CCDC170: variants seen among roughly 807,000 people sequenced by gnomAD.
CCDC170 encodes the protein coiled-coil domain containing 170, also known as coiled-coil domain-containing protein 170.
Under a neutral mutation model 72.6 loss-of-function variants are expected in CCDC170, and 69 were observed. The ratio of observed to expected loss-of-function variants is 0.95; its 90% CI spans 0.78 to 1.16. CCDC170 has a LOEUF of 1.16. Among genes scored for constraint, CCDC170 ranks in the 50% most tolerant of loss-of-function variants. The probability of loss-of-function intolerance (pLI) is 0.00; values close to 1 mark genes in which losing one functional copy is unlikely to be tolerated. For synonymous variants in CCDC170, 300 were observed against 303.9 expected, an observed-to-expected ratio of 0.99 and a Z score of 0.13; for missense variants, 852 against 832.5, an observed-to-expected ratio of 1.02 and a Z score of -0.29.
chr6:151,560,817 T>G (rs745678328), intron 5 of CCDC170, among the ~76,000 whole-genome samples: 1 of 152,174 alleles, frequency 6.6e-6, no homozygotes, highest in Non-Finnish European at 1.5e-5. Context: ...TGATGGATAT[T>G]TCTCCATCCC....
intron 1 of CCDC170, among the ~76,000 whole-genome samples, chr6:151,530,132 A>G (rs1313940466): frequency 6.6e-6 from 1 of 152,108 alleles, no homozygotes; most frequent in African/African-American, 2.4e-5. Flanking sequence ...TTATATTAAC[A>G]TTCTTTTATT....
At chr6:151,509,188 C>T (rs926016781) in intron 1 of CCDC170, among the ~76,000 whole-genome samples, 5 of 151,532 alleles carry the variant, frequency 3.3e-5, no homozygotes, top group Non-Finnish European at 7.4e-5. Context: ...CTCTCTCCCC[C>T]CTTTCGCTCT....
Position 151,585,922 on chromosome 6 carries a change from C to G in CCDC170, c.1126C>G (p.Leu376Val). 1 of 1,613,840 alleles carries G rather than the reference C, an allele frequency of 6.2e-7. No homozygotes were observed. The highest frequency in any genetic ancestry group is 1.1e-5 in the South Asian group (1 of 91,020). Residue 376 changes from leucine to valine, a missense_variant, in exon 7 of 11, where the codon CTT becomes GTT. By Grantham distance (32) the Leu-to-Val change is conservative. Coordinates refer to ENST00000239374, the MANE Select transcript of CCDC170 (RefSeq NM_025059.4). Reference protein sequence around the residue: ...VSQLEAQISELVEQLGKESGF... With the variant: ...VSQLEAQISEVVEQLGKESGF... ...CCAGCTTGAAGCCCAAATATCTGAGCTTGTTGAACAGTTGGGAAAGGAGTC... is the reference window on the plus strand; with the variant it reads ...CCAGCTTGAAGCCCAAATATCTGAGGTTGTTGAACAGTTGGGAAAGGAGTC...
intron 10 of CCDC170, among the ~76,000 whole-genome samples, chr6:151,616,278 T>A (rs1361747008): frequency 1.3e-5 from 2 of 151,958 alleles, no homozygotes; most frequent in Non-Finnish European, 2.9e-5. Context: ...CAGGCACAGA[T>A]GTAAGCCATA....
chr6:151,538,398 AC>A (rs1200648770), intron 3 of CCDC170, 97 bp downstream of exon 3: 1 of 1,229,648 alleles, frequency 8.1e-7, no homozygotes, highest in Non-Finnish European at 1.1e-6. Context: ...ATTTTGCATT[AC>A]TTGGCCCTTA....
intron 5 of CCDC170, among the ~76,000 whole-genome samples, chr6:151,560,055 C>G (rs910821933): frequency 6.6e-6 from 1 of 152,058 alleles, no homozygotes; most frequent in East Asian, 1.9e-4. Flanking sequence ...TGAGATCTTT[C>G]TATGTTTTTG....
chr6:151,580,056 C>G (rs1279052417), intron 6 of CCDC170, among the ~76,000 whole-genome samples: 1 of 152,134 alleles, frequency 6.6e-6, no homozygotes, highest in Non-Finnish European at 1.5e-5. Context: ...GTATCACTCC[C>G]TTAGTCTAAC....
chr6:151,593,898 G>C (rs1405130546), intron 8 of CCDC170, among the ~76,000 whole-genome samples: 1 of 152,088 alleles, frequency 6.6e-6, no homozygotes, highest in Non-Finnish European at 1.5e-5. Context: ...CTTTACTCTG[G>C]GTAGCCATTT....
chr6:151,556,584 C>G (rs1260036634), intron 5 of CCDC170, among the ~76,000 whole-genome samples: 1 of 152,082 alleles, frequency 6.6e-6, no homozygotes, highest in African/African-American at 2.4e-5. Context: ...TTCATGCCTC[C>G]TACTTTTTTT....
At chr6:151,496,381 A>G (rs1372785536) in intron 1 of CCDC170, among the ~76,000 whole-genome samples, 1 of 152,226 alleles carries the variant, frequency 6.6e-6, no homozygotes, top group East Asian at 1.9e-4. Flanking sequence ...ACAAAAGGAA[A>G]ATGTCCATTA....
chr6:151,511,787 T>A (rs547439298), intron 1 of CCDC170, among the ~76,000 whole-genome samples: 1 of 152,216 alleles, frequency 6.6e-6, no homozygotes, highest in Non-Finnish European at 1.5e-5. Context: ...TTTATCTTAA[T>A]CTTAATTTAC....
At position 151,619,970 on chromosome 6, in the gene CCDC170, A is replaced by G. The variant is rs1777034122; in HGVS notation, c.*1823A>G. 1.3e-5 allele frequency: 2 copies of G among 152,210 alleles called. No individual in the cohort carries two copies. The highest frequency in any genetic ancestry group is 1.3e-4 in the Admixed American group (2 of 15,284). The allele number at this position is 152,210 out of a possible 1,614,324, so 9.4% of individuals were successfully genotyped here. A position where few individuals can be genotyped will look rare whatever the true frequency, so the allele number is the denominator to read the frequency against. ...GTTTGAATGAAAAAAAGCATAAAATATTCTTGCAATAATTGTAAAAATTTG... is the reference window on the plus strand; with the variant it reads ...GTTTGAATGAAAAAAAGCATAAAATGTTCTTGCAATAATTGTAAAAATTTG... On this transcript the variant is annotated 3_prime_UTR_variant, in exon 11 of 11. Coordinates refer to ENST00000239374, the MANE Select transcript of CCDC170 (RefSeq NM_025059.4).
intron 1 of CCDC170, among the ~76,000 whole-genome samples, chr6:151,519,925 G>C (rs1239690417): frequency 1.3e-5 from 2 of 152,144 alleles, no homozygotes; most frequent in Non-Finnish European, 2.9e-5. Context: ...TCTTGATTTT[G>C]GTGGGTTTTG....
At chr6:151,593,402 G>A (rs1776574151) in intron 8 of CCDC170, 122 bp downstream of exon 8, 2 of 1,047,804 alleles carry the variant, frequency 1.9e-6, no homozygotes, top group South Asian at 1.7e-5. Context: ...ATAAAAATAT[G>A]TATTTAGAAT....
rs200743605 is a variant in CCDC170 at position 151,538,289 on chromosome 6, A to T, written c.431A>T (p.Asn144Ile). 101 of 1,613,124 alleles carry T rather than the reference A, an allele frequency of 6.3e-5. No individual in the cohort carries two copies. The African/African-American group carries it at 1.2e-3, about 19-fold the overall frequency. Residue 144 changes from asparagine to isoleucine, a missense_variant, in exon 3 of 11, where the codon AAT (asparagine) becomes ATT (isoleucine). Physicochemically the swap from Asn to Ile is moderately radical, Grantham distance 149 (BLOSUM62 -3). Transcript: ENST00000239374. ...TTAAAGAAGAAAGTTGTAGAGTTAA[A>T]TGAAAAATTACAGTAAGGATACTGC... ...QELKKKVVEL[N>I]EKLQKCSKEN...
chr6:151,544,771 G>T, intron 4 of CCDC170, 55 bp downstream of exon 4: 1 of 1,545,450 alleles, frequency 6.5e-7, no homozygotes, highest in Non-Finnish European at 8.8e-7. Flanking sequence ...CTGACATGTG[G>T]CATGAAAGGA....
rs1473057248 is a variant in CCDC170, at chr6:151,619,052, T to G, written c.*905T>G. ...AAAGTTAATGTCCAAAAATGACAGA[T>G]TTACAAGTGTAAGCTATATGATTTC... On this transcript the variant is annotated 3_prime_UTR_variant, in exon 11 of 11. Coordinates refer to ENST00000239374, the MANE Select transcript of CCDC170 (RefSeq NM_025059.4). The G allele has an allele frequency of 7.0e-6, 1 of 143,460 alleles. No homozygotes were observed. The highest frequency in any genetic ancestry group is 1.5e-5 in the Non-Finnish European group (1 of 65,594). 8.9% of individuals were successfully genotyped at this position (143,460 alleles called of 1,614,324 possible). A position where few individuals can be genotyped will look rare whatever the true frequency, so the allele number is the denominator to read the frequency against.
rs1776392074 is a variant in CCDC170, at chr6:151,582,436, T to C, written c.1093-3453T>C. Among the ~76,000 whole-genome samples the C allele has an allele frequency of 2.0e-5, 3 of 152,218 alleles. No homozygotes were observed. In the South Asian group the frequency reaches 6.2e-4, roughly 32 times the overall value. On this transcript the variant is annotated intron_variant, in intron 6 of 10. Transcript: ENST00000239374. The stretch of plus-strand genomic sequence containing the variant: ...ATAGATTTAAGGAGAGTTAGGGCCT[T>C]GCTTTGGATTAGGCTTTGGCTTAAG...
intron 6 of CCDC170, among the ~76,000 whole-genome samples, chr6:151,577,987 T>C (rs1776327973): frequency 6.6e-6 from 1 of 152,148 alleles, no homozygotes; most frequent in Non-Finnish European, 1.5e-5. Flanking sequence ...GGAGATGTGC[T>C]TCACAGCCCC....
Sources: allele counts gnomAD v4.1 joint callset (sites outside exome capture counted in the v4.1 genomes callset), GRCh38; gene constraint gnomAD v4.1.1; transcripts MANE v1.5; gene names NCBI Gene and HGNC (gene_info 2026-07-23, HGNC 2026-07-21).